CDH13: variants seen among roughly 807,000 people sequenced by gnomAD.
CDH13 encodes the protein cadherin-13.
In CDH13, 24 loss-of-function variants were observed where a neutral mutation model predicts 63.8. The ratio of observed to expected loss-of-function variants is 0.38; its 90% confidence interval spans 0.27 to 0.53. The LOEUF (loss-of-function observed/expected upper bound fraction) is 0.53, where lower values mean the gene tolerates loss of function less well. Among genes scored for constraint, CDH13 ranks in the 20% least tolerant of loss-of-function variants. The pLI is 0.85. For synonymous variants in CDH13, 503 were observed against 355.3 expected (o/e 1.42, Z -4.67); for missense variants, 1,049 against 903.1 (o/e 1.16, Z -2.07).
chr16:83,480,998 C>CCATG (rs2073747787), intron 6 of CDH13, among the ~76,000 whole-genome samples: 1 of 152,184 alleles, frequency 6.6e-6, no homozygotes, highest in African/African-American at 2.4e-5. Flanking sequence ...CCTTTTGAAG[C>CCATG]ACCACTATTA....
At chr16:83,344,784 C>T (rs1388750405) in intron 5 of CDH13, 78 bp from the exon 6 acceptor site, 2 of 1,529,448 alleles carry the variant, frequency 1.3e-6, no homozygotes, top group East Asian at 2.3e-5. Flanking sequence ...ATATAACCTA[C>T]TTTCTCTAGA....
intron 5 of CDH13, among the ~76,000 whole-genome samples, chr16:83,228,133 C>T (rs1359648652): frequency 6.6e-6 from 1 of 152,212 alleles, no homozygotes; most frequent in East Asian, 1.9e-4. Context: ...CCTTATCTCT[C>T]ATGTACCCCT....
intron 5 of CDH13, among the ~76,000 whole-genome samples, chr16:83,326,939 A>C (rs958269200): frequency 5.3e-5 from 8 of 152,234 alleles, no homozygotes; most frequent in African/African-American, 1.9e-4. Context: ...AGTCCAGAAG[A>C]AACTAACAGA....
At chr16:82,852,860 C>G (rs7194046) in intron 1 of CDH13, among the ~76,000 whole-genome samples, 9,149 of 152,220 alleles carry the variant, frequency 0.06, 418 homozygotes, top group Admixed American at 0.16. Context: ...ACATCCATCC[C>G]TTATGCTGCC....
At chr16:82,790,377 G>A (rs946385854) in intron 1 of CDH13, among the ~76,000 whole-genome samples, 1 of 152,142 alleles carries the variant, frequency 6.6e-6, no homozygotes, top group African/African-American at 2.4e-5. Flanking sequence ...AGAGGTTGCA[G>A]TGAGCCAAGA....
chr16:83,283,965 T>C (rs1278313444), intron 5 of CDH13, among the ~76,000 whole-genome samples: 1 of 152,200 alleles, frequency 6.6e-6, no homozygotes, highest in African/African-American at 2.4e-5. Flanking sequence ...AACTGTTGAA[T>C]AAATAAATGA....
intron 8 of CDH13, among the ~76,000 whole-genome samples, chr16:83,636,117 G>A (rs933486020): frequency 2.6e-5 from 4 of 151,060 alleles, no homozygotes; most frequent in Admixed American, 2.6e-4. Flanking sequence ...AAAAAATCAT[G>A]TGGGTGCAGG....
chr16:83,468,240 T>C (rs967740576), intron 6 of CDH13, among the ~76,000 whole-genome samples: 1 of 152,104 alleles, frequency 6.6e-6, no homozygotes, highest in Non-Finnish European at 1.5e-5. Context: ...CTGAATGCCA[T>C]CACAGGTGTT....
chr16:83,465,873 C>A (rs967635137), intron 6 of CDH13, among the ~76,000 whole-genome samples: 21 of 152,180 alleles, frequency 1.4e-4, no homozygotes, highest in African/African-American at 4.6e-4. Flanking sequence ...ATTTTGGCAC[C>A]GTGAACTTGA....
chr16:83,377,054 A>G (rs939801249), intron 6 of CDH13, among the ~76,000 whole-genome samples: 14 of 152,184 alleles, frequency 9.2e-5, no homozygotes, highest in African/African-American at 2.7e-4. Flanking sequence ...TAAAGGAGCT[A>G]TATCAGAATT....
chr16:83,759,583 T>G (rs775183586), intron 11 of CDH13, among the ~76,000 whole-genome samples: 13 of 151,068 alleles, frequency 8.6e-5, no homozygotes, highest in African/African-American at 4.9e-5. Flanking sequence ...AATGACACAG[T>G]TAAGAAAGTA....
chr16:82,913,048 T>A (rs1226532191), intron 2 of CDH13, among the ~76,000 whole-genome samples: 1 of 152,120 alleles, frequency 6.6e-6, no homozygotes, highest in South Asian at 2.1e-4. Flanking sequence ...TCCATGAGAT[T>A]GGGAATGGGA....
intron 8 of CDH13, among the ~76,000 whole-genome samples, chr16:83,627,202 A>G (rs949029211): frequency 1.3e-5 from 2 of 151,754 alleles, no homozygotes; most frequent in Admixed American, 6.6e-5. Flanking sequence ...AGGCAGGAGA[A>G]TTGCTTGAAC....
intron 5 of CDH13, among the ~76,000 whole-genome samples, chr16:83,240,474 G>A (rs1904322406): frequency 6.6e-6 from 1 of 151,908 alleles, no homozygotes; most frequent in South Asian, 2.1e-4. Flanking sequence ...AACCAGGTGA[G>A]AAAGAGGAGA....
chr16:82,687,533 C>G (rs1168665334), intron 1 of CDH13, among the ~76,000 whole-genome samples: 1 of 152,098 alleles, frequency 6.6e-6, no homozygotes, highest in Non-Finnish European at 1.5e-5. Flanking sequence ...TGGTGACAGG[C>G]AAGAGAGAGC....
At chr16:83,065,288 T>A (rs1449382817) in intron 3 of CDH13, among the ~76,000 whole-genome samples, 1 of 152,204 alleles carries the variant, frequency 6.6e-6, no homozygotes, top group African/African-American at 2.4e-5. Context: ...AGTGTAGTAT[T>A]GCACAGGTAG....
chr16:83,575,990 A>G (rs1414219648), intron 7 of CDH13, among the ~76,000 whole-genome samples: 10 of 152,224 alleles, frequency 6.6e-5, no homozygotes, highest in Admixed American at 6.5e-4. Context: ...GGCGTTTAGT[A>G]CGTTAATTGA....
chr16:83,566,528 C>T (rs1262249800), intron 7 of CDH13, among the ~76,000 whole-genome samples: 1 of 132,566 alleles, frequency 7.5e-6, no homozygotes, highest in Non-Finnish European at 1.7e-5. Flanking sequence ...CATTCTCCCT[C>T]TTCCACTCTC....
intron 10 of CDH13, among the ~76,000 whole-genome samples, chr16:83,727,934 A>G (rs1167302909): frequency 6.6e-6 from 1 of 152,174 alleles, no homozygotes; most frequent in African/African-American, 2.4e-5. Flanking sequence ...GGGTTTAAGT[A>G]TCAAGTTTGA....
Sources: gnomAD v4.1 joint callset for allele counts (sites outside exome capture counted in the v4.1 genomes callset) on GRCh38, gnomAD v4.1.1 for gene constraint, MANE v1.5 for transcripts, NCBI Gene and HGNC (gene_info 2026-07-23, HGNC 2026-07-21) for gene names.